Variants in PTPRR observed in about 807,000 individuals in gnomAD.
PTPRR encodes the protein protein tyrosine phosphatase receptor type R.
A neutral mutation model predicts 77.2 loss-of-function variants in PTPRR; 38 were observed. The observed-to-expected ratio is 0.49, with a 90% CI of 0.38 to 0.65. The LOEUF (loss-of-function observed/expected upper bound fraction) is 0.65, where lower values mean the gene tolerates loss of function less well. Among genes scored for constraint, PTPRR ranks in the 30% least tolerant of loss-of-function variants. The pLI is 0.00. For missense variants in PTPRR, 744 were observed against 799.2 expected (o/e 0.93, Z 0.83); for synonymous variants, 299 against 283.1 (o/e 1.06, Z -0.57).
At chr12:70,807,299 A>G (rs1435870138) in intron 2 of PTPRR, among the ~76,000 whole-genome samples, 7 of 152,196 alleles carry the variant, frequency 4.6e-5, no homozygotes, top group Non-Finnish European at 1.5e-5. Flanking sequence ...TATTTATTGC[A>G]TCATCCTCTT....
At chr12:70,848,330 T>G (rs1382964108) in intron 2 of PTPRR, among the ~76,000 whole-genome samples, 1 of 152,214 alleles carries the variant, frequency 6.6e-6, no homozygotes, top group Non-Finnish European at 1.5e-5. Context: ...TTCACACAAA[T>G]TAATGGTTGT....
chr12:70,912,529 T>A (rs1339956684), intron 1 of PTPRR, among the ~76,000 whole-genome samples: 4 of 152,186 alleles, frequency 2.6e-5, no homozygotes, highest in Non-Finnish European at 5.9e-5. Flanking sequence ...ATGTCCCCAA[T>A]GAACTTGGCA....
chr12:70,672,398 G>A, intron 10 of PTPRR: 1 of 1,205,560 alleles, frequency 8.3e-7, no homozygotes, highest in Non-Finnish European at 1.2e-6. Context: ...CTGGGAAGTG[G>A]AGCAGCTGTG....
intron 2 of PTPRR, among the ~76,000 whole-genome samples, chr12:70,828,950 GC>G (rs1299846069): frequency 6.6e-6 from 1 of 152,066 alleles, no homozygotes; most frequent in Non-Finnish European, 1.5e-5. Context: ...CAGGCAGCAG[GC>G]AAGGTGCCGG....
intron 2 of PTPRR, among the ~76,000 whole-genome samples, chr12:70,838,179 A>G (rs930215635): frequency 2.0e-5 from 3 of 152,262 alleles, no homozygotes; most frequent in Non-Finnish European, 2.9e-5. Context: ...AAATTTCCAA[A>G]TGCCACAAAG....
chr12:70,889,554 G>T (rs561609441), intron 2 of PTPRR, among the ~76,000 whole-genome samples: 2 of 152,242 alleles, frequency 1.3e-5, no homozygotes, highest in South Asian at 4.1e-4. Flanking sequence ...AGAAACAATA[G>T]AATGTCTGTC....
At chr12:70,768,973 A>C (rs557109518) in intron 2 of PTPRR, among the ~76,000 whole-genome samples, 1 of 151,070 alleles carries the variant, frequency 6.6e-6, no homozygotes, top group Non-Finnish European at 1.5e-5. Flanking sequence ...TTCATGCTAA[A>C]AACTCTCAAT....
intron 2 of PTPRR, among the ~76,000 whole-genome samples, chr12:70,818,609 C>T (rs966087629): frequency 2.0e-5 from 3 of 152,092 alleles, no homozygotes; most frequent in Non-Finnish European, 4.4e-5. Flanking sequence ...TTCTTTATGT[C>T]TTACAGTGAT....
At chr12:70,726,854 T>C (rs150862058) in intron 6 of PTPRR, among the ~76,000 whole-genome samples, 5,500 of 152,220 alleles carry the variant, frequency 0.036, 348 homozygotes, top group African/African-American at 0.13. Flanking sequence ...AGTGCTGGGA[T>C]TACAGGCATG....
Position 70,804,338 on chromosome 12 carries a change from T to C in PTPRR, c.358-39560A>G, listed in dbSNP as rs553037365. 3.3e-5 allele frequency among the ~76,000 whole-genome samples: 5 copies of C among 152,230 alleles called. No individual in the cohort carries two copies. In the South Asian group the frequency reaches 6.2e-4, roughly 19 times the overall value. Reference sequence around the variant, plus strand: ...TGGGAGGCCAATATGAGTAGATTGCTTGAGCTCAGGAGTTTGAGACCAGCC... The same window carrying C: ...TGGGAGGCCAATATGAGTAGATTGCCTGAGCTCAGGAGTTTGAGACCAGCC... On this transcript the variant is annotated intron_variant, in intron 2 of 13. Coordinates refer to ENST00000283228, the MANE Select transcript of PTPRR (RefSeq NM_002849.4).
intron 2 of PTPRR, among the ~76,000 whole-genome samples, chr12:70,883,407 T>C (rs1893182585): frequency 6.6e-6 from 1 of 152,194 alleles, no homozygotes; most frequent in Non-Finnish European, 1.5e-5. Flanking sequence ...ACCACTTCTC[T>C]GGTAAGCCGA....
chr12:70,668,152 C>A (rs1887078404), intron 10 of PTPRR, among the ~76,000 whole-genome samples: 1 of 152,086 alleles, frequency 6.6e-6, no homozygotes, highest in African/African-American at 2.4e-5. Context: ...TGTAGACTAT[C>A]CTTTCCCACC....
At chr12:70,673,044 AAAAAAGAAAG>A in intron 10 of PTPRR, 1 of 1,046,580 alleles carries the variant, frequency 9.6e-7, no homozygotes, top group Non-Finnish European at 1.2e-6. Flanking sequence ...AAAAAAAAAA[AAAAAAGAAAG>A]AAAGAAAGAA....
At chr12:70,707,429 T>C (rs1373898148) in intron 6 of PTPRR, among the ~76,000 whole-genome samples, 1 of 143,610 alleles carries the variant, frequency 7.0e-6, no homozygotes, top group Non-Finnish European at 1.5e-5. Context: ...TTAAAAAAAC[T>C]ATATCATGAA....
Position 70,892,782 on chromosome 12 carries a change from A to C in PTPRR, c.254T>G (p.Phe85Cys). Residue 85 changes from phenylalanine to cysteine, a missense_variant, in exon 2 of 14, where the codon TTT (phenylalanine) becomes TGT (cysteine). Physicochemically the swap from Phe to Cys is radical, Grantham distance 205. Coordinates refer to ENST00000283228, the MANE Select transcript of PTPRR (RefSeq NM_002849.4). ...SKRHQIVNSAFPRPAYDPSLN... is the reference protein window; with the variant it reads ...SKRHQIVNSACPRPAYDPSLN... ...AGACGGGTCATATGCGGGTCTAGGA[A>C]ATGCTGAATTGACAATCTGGTGGCG... The C allele has an allele frequency of 3.1e-6, 5 of 1,613,528 alleles. No individual in the cohort carries two copies. The highest frequency in any genetic ancestry group is 4.2e-6 in the Non-Finnish European group (5 of 1,179,566).
chr12:70,703,362 T>C (rs1888503251), intron 6 of PTPRR, among the ~76,000 whole-genome samples: 4 of 152,186 alleles, frequency 2.6e-5, no homozygotes, highest in African/African-American at 9.6e-5. Context: ...GATTAGGGAA[T>C]AGCATTTATT....
chr12:70,856,940 A>G (rs1892662839), intron 2 of PTPRR, among the ~76,000 whole-genome samples: 1 of 152,118 alleles, frequency 6.6e-6, no homozygotes, highest in Non-Finnish European at 1.5e-5. Context: ...CAATACAGGA[A>G]ATAACAGAAG....
At chr12:70,823,397 CTG>C (rs1199712205) in intron 2 of PTPRR, among the ~76,000 whole-genome samples, 2 of 152,192 alleles carry the variant, frequency 1.3e-5, no homozygotes. Context: ...TAGCTGACCA[CTG>C]TATCTCATGG....
At chr12:70,757,235 CAGTT>C (rs1254941561) in intron 4 of PTPRR, among the ~76,000 whole-genome samples, 2 of 152,130 alleles carry the variant, frequency 1.3e-5, no homozygotes, top group African/African-American at 2.4e-5. Context: ...ATGAAGGTAT[CAGTT>C]AGCACATTGG....
Sources: gnomAD v4.1 joint callset for allele counts (sites outside exome capture counted in the v4.1 genomes callset) on GRCh38, gnomAD v4.1.1 for gene constraint, MANE v1.5 for transcripts, NCBI Gene and HGNC (gene_info 2026-07-23, HGNC 2026-07-21) for gene names.